CNTNAP4: variants seen among roughly 807,000 people sequenced by gnomAD.
CNTNAP4 encodes contactin associated protein family member 4.
In CNTNAP4, 98 loss-of-function variants were observed where a neutral mutation model predicts 148.4. The observed-to-expected ratio is 0.66, with a 90% CI of 0.56 to 0.78. The LOEUF (loss-of-function observed/expected upper bound fraction) is 0.78, where lower values mean the gene tolerates loss of function less well. CNTNAP4 is among the 30% of genes least tolerant of loss of function. The pLI is 0.00. For missense variants in CNTNAP4, 1,935 were observed against 1,565.6 expected, an observed-to-expected ratio of 1.24 and a Z score of -3.98; for synonymous variants, 730 against 565.1, an observed-to-expected ratio of 1.29 and a Z score of -4.14.
chr16:76,335,985 C>G (rs1339908195), intron 2 of CNTNAP4, among the ~76,000 whole-genome samples: 1 of 152,046 alleles, frequency 6.6e-6, no homozygotes, highest in Non-Finnish European at 1.5e-5. Flanking sequence ...AGAAGTGTGA[C>G]CCTTCCCCCA....
In CNTNAP4 at chr16:76,494,760, C is replaced by T. The variant is rs1038165685; in HGVS notation, c.2081-150C>T. The T allele has an allele frequency of 4.4e-5, 33 of 749,206 alleles. No homozygotes were observed. In the African/African-American group the frequency reaches 5.8e-4, roughly 13 times the overall value. The allele number at this position is 749,206 out of a possible 1,614,324, so 46.4% of individuals were successfully genotyped here. ...GTGTTCTTAAGGAAATGCCAGCAAT[C>T]ATACTGTTTTGCATATCCTTAAATC... On this transcript the variant is annotated intron_variant, in intron 13 of 23. Transcript: ENST00000611870.
intron 4 of CNTNAP4, among the ~76,000 whole-genome samples, chr16:76,444,430 A>G (rs2080160474): frequency 6.7e-6 from 1 of 150,308 alleles, no homozygotes. Flanking sequence ...ATTTATTTCC[A>G]CTTTTTTTTC....
intron 2 of CNTNAP4, among the ~76,000 whole-genome samples, chr16:76,340,544 C>G (rs1414877482): frequency 6.6e-6 from 1 of 152,090 alleles, no homozygotes; most frequent in Non-Finnish European, 1.5e-5. Context: ...GCTCCCAATG[C>G]CTACTATTTA....
intron 3 of CNTNAP4, among the ~76,000 whole-genome samples, chr16:76,416,840 G>A (rs2079003174): frequency 6.6e-6 from 1 of 151,256 alleles, no homozygotes; most frequent in Non-Finnish European, 1.5e-5. Context: ...GGACTTCTCT[G>A]TTTTTAACTT....
chr16:76,515,188 A>C (rs900706959), intron 15 of CNTNAP4, among the ~76,000 whole-genome samples: 1 of 152,208 alleles, frequency 6.6e-6, no homozygotes, highest in Admixed American at 6.5e-5. Flanking sequence ...CAAACCACCT[A>C]TCTGAGAAAG....
intron 17 of CNTNAP4, among the ~76,000 whole-genome samples, chr16:76,529,275 C>T (rs1196001658): frequency 6.6e-6 from 1 of 151,752 alleles, no homozygotes; most frequent in Non-Finnish European, 1.5e-5. Flanking sequence ...TTATGCCTAT[C>T]TTAAAGAGTC....
chr16:76,334,430 T>G (rs1485581752), intron 2 of CNTNAP4, among the ~76,000 whole-genome samples: 1 of 152,148 alleles, frequency 6.6e-6, no homozygotes. Flanking sequence ...GACATAATCC[T>G]GTAAGTTACG....
chr16:76,375,961 G>A (rs2015372787), intron 3 of CNTNAP4, among the ~76,000 whole-genome samples: 1 of 152,166 alleles, frequency 6.6e-6, no homozygotes, highest in Non-Finnish European at 1.5e-5. Flanking sequence ...TTGGGCAGTT[G>A]CTTTTACCTC....
At chr16:76,295,365 C>G (rs192654666) in intron 1 of CNTNAP4, among the ~76,000 whole-genome samples, 11 of 152,274 alleles carry the variant, frequency 7.2e-5, no homozygotes, top group Admixed American at 1.3e-4. Flanking sequence ...GACTAAGGAT[C>G]TGATCCAGAA....
chr16:76,425,825 G>A (rs2079373007), intron 3 of CNTNAP4, among the ~76,000 whole-genome samples: 1 of 152,178 alleles, frequency 6.6e-6, no homozygotes, highest in South Asian at 2.1e-4. Flanking sequence ...TAAAGACTGT[G>A]TTTGAATAAG....
intron 3 of CNTNAP4, among the ~76,000 whole-genome samples, chr16:76,397,695 C>A (rs1319884756): frequency 6.6e-6 from 1 of 151,130 alleles, no homozygotes; most frequent in Non-Finnish European, 1.5e-5. Flanking sequence ...AAGGCCTGGA[C>A]CATAAAGTAC....
chr16:76,399,506 G>T (rs1040001063), intron 3 of CNTNAP4, among the ~76,000 whole-genome samples: 3 of 152,280 alleles, frequency 2.0e-5, no homozygotes, highest in Admixed American at 6.5e-5. Flanking sequence ...TCAGAATTCA[G>T]TTTGGGGATA....
intron 13 of CNTNAP4, among the ~76,000 whole-genome samples, chr16:76,494,240 G>A (rs1176867698): frequency 1.3e-5 from 2 of 152,144 alleles, no homozygotes; most frequent in South Asian, 2.1e-4. Context: ...ATCGTAGGAA[G>A]AGATGCATTT....
At chr16:76,523,895 A>C (rs2083597131) in intron 17 of CNTNAP4, among the ~76,000 whole-genome samples, 2 of 152,160 alleles carry the variant, frequency 1.3e-5, no homozygotes, top group South Asian at 4.1e-4. Context: ...ACGCTACTGC[A>C]CTCCATCCTG....
At position 76,489,784 on chromosome 16, in the gene CNTNAP4, G is replaced by A; in HGVS notation, c.1981G>A (p.Ala661Thr). The change falls in exon 13 of 24, where the codon GCC (alanine) becomes ACC (threonine). Residue 661 changes from alanine to threonine, a missense_variant. Transcript: ENST00000611870. ...ATATGCTGGGTTTTTCGAGTATGTG[G>A]CCAGCATGGAGCAACTTCAGGCCAC... Reference protein sequence around the residue: ...NPYAGFFEYVASMEQLQATIN... With the variant: ...NPYAGFFEYVTSMEQLQATIN... 2 of 1,605,700 alleles carry A rather than the reference G, an allele frequency of 1.2e-6. No individual in the cohort carries two copies. Among genetic ancestry groups the A allele is most frequent in the East Asian group, 2.2e-5 (1 of 44,638 alleles).
intron 21 of CNTNAP4, among the ~76,000 whole-genome samples, chr16:76,548,295 C>CTTTTTTTTTTTTTTTTTTTTTTT (rs66981960): frequency 1.1e-5 from 1 of 92,930 alleles, no homozygotes; most frequent in South Asian, 4.1e-4. Flanking sequence ...TTCACTGCAC[C>CTTTTTTTTTTTTTTTTTTTTTTT]TTTTTTTTTT....
At chr16:76,380,311 C>T (rs1168710827) in intron 3 of CNTNAP4, among the ~76,000 whole-genome samples, 3 of 152,054 alleles carry the variant, frequency 2.0e-5, no homozygotes, top group Admixed American at 6.6e-5. Flanking sequence ...CTGGTATAGG[C>T]GTATAGGACC....
At position 76,341,658 on chromosome 16, in the gene CNTNAP4, T is replaced by C. The variant is rs563831276; in HGVS notation, c.197-13660T>C. 9.2e-5 allele frequency among the ~76,000 whole-genome samples: 14 copies of C among 152,238 alleles called. 1 individual carries two copies. In the East Asian group the frequency reaches 2.5e-3, roughly 27 times the overall value. ...TCTATAGGGCATCCATGAATAGATA[T>C]ATGGGAGGCATTCAGGATTTGGGAT... On this transcript the variant is annotated intron_variant, in intron 2 of 23. Transcript: ENST00000611870.
chr16:76,320,786 G>C (rs73620926), intron 2 of CNTNAP4, among the ~76,000 whole-genome samples: 18 of 152,060 alleles, frequency 1.2e-4, no homozygotes, highest in Non-Finnish European at 2.1e-4. Context: ...TAATCTGAAC[G>C]TAAGTCTTTA....
Sources: gnomAD v4.1 joint callset for allele counts (sites outside exome capture counted in the v4.1 genomes callset) on GRCh38, gnomAD v4.1.1 for gene constraint, MANE v1.5 for transcripts, NCBI Gene and HGNC (gene_info 2026-07-23, HGNC 2026-07-21) for gene names.